TMEM132D: variants seen among roughly 807,000 people sequenced by gnomAD.
TMEM132D encodes the protein mature OL transmembrane protein.
Under a neutral mutation model 62.3 loss-of-function variants are expected in TMEM132D, and 21 were observed. The ratio of observed to expected loss-of-function variants is 0.34; its 90% CI spans 0.24 to 0.49. TMEM132D has a LOEUF of 0.49. TMEM132D is among the 20% of genes least tolerant of loss of function. The pLI, the probability that TMEM132D is intolerant of heterozygous loss-of-function variation, is 0.99. For synonymous variants in TMEM132D, 621 were observed against 575.6 expected, an observed-to-expected ratio of 1.08 and a Z score of -1.13; for missense variants, 1,346 against 1,402.8, an observed-to-expected ratio of 0.96 and a Z score of 0.65.
intron 2 of TMEM132D, among the ~76,000 whole-genome samples, chr12:129,619,543 T>C (rs1879008083): frequency 6.6e-6 from 1 of 152,254 alleles, no homozygotes; most frequent in Non-Finnish European, 1.5e-5. Context: ...TCTCGGGTTA[T>C]CCACTGGCTC....
chr12:129,832,013 G>A (rs886984553), intron 1 of TMEM132D, among the ~76,000 whole-genome samples: 2 of 142,530 alleles, frequency 1.4e-5, no homozygotes, highest in African/African-American at 5.2e-5. Flanking sequence ...GGGACGACAG[G>A]CACCTGCCAC....
intron 1 of TMEM132D, among the ~76,000 whole-genome samples, chr12:129,728,876 A>G (rs950502868): frequency 1.3e-5 from 2 of 152,044 alleles, no homozygotes; most frequent in African/African-American, 4.8e-5. Context: ...CCTTTTTCAC[A>G]ATGTCCTCAT....
chr12:129,302,641 T>A (rs1881749052), intron 4 of TMEM132D, among the ~76,000 whole-genome samples: 1 of 152,242 alleles, frequency 6.6e-6, no homozygotes, highest in Non-Finnish European at 1.5e-5. Flanking sequence ...TGCTTCCTTT[T>A]TCTCCAGGAC....
chr12:129,092,759 T>A (rs2135629248), intron 5 of TMEM132D, among the ~76,000 whole-genome samples: 1 of 152,334 alleles, frequency 6.6e-6, no homozygotes, highest in Non-Finnish European at 1.5e-5. Flanking sequence ...TATTCATTGT[T>A]TGCTACATGC....
chr12:129,119,142 C>A (rs1264751632), intron 5 of TMEM132D, among the ~76,000 whole-genome samples: 1 of 152,156 alleles, frequency 6.6e-6, no homozygotes, highest in African/African-American at 2.4e-5. Flanking sequence ...ACAGAAAGAA[C>A]TTCAGCTTAT....
intron 5 of TMEM132D, among the ~76,000 whole-genome samples, chr12:129,165,004 T>C (rs952160631): frequency 6.6e-6 from 1 of 152,196 alleles, no homozygotes; most frequent in African/African-American, 2.4e-5. Context: ...AAATAGATAA[T>C]GGTATATTCA....
chr12:129,630,551 G>C (rs1879324644), intron 2 of TMEM132D, among the ~76,000 whole-genome samples: 1 of 152,112 alleles, frequency 6.6e-6, no homozygotes, highest in Non-Finnish European at 1.5e-5. Context: ...CTGAGAGCTA[G>C]CAAATAGAGA....
At chr12:129,561,267 A>G (rs550332977) in intron 2 of TMEM132D, among the ~76,000 whole-genome samples, 1 of 152,230 alleles carries the variant, frequency 6.6e-6, no homozygotes, top group East Asian at 1.9e-4. Flanking sequence ...TGAACCACTC[A>G]TCCAACCAAT....
chr12:129,374,108 G>C (rs1307823304), intron 3 of TMEM132D, among the ~76,000 whole-genome samples: 3 of 152,178 alleles, frequency 2.0e-5, no homozygotes, highest in Admixed American at 1.3e-4. Flanking sequence ...AGTTAGAGTA[G>C]CTAATGAAAT....
chr12:129,385,456 A>T (rs1428782795), intron 3 of TMEM132D, among the ~76,000 whole-genome samples: 2 of 152,122 alleles, frequency 1.3e-5, no homozygotes, highest in Non-Finnish European at 2.9e-5. Flanking sequence ...GGACACTTAG[A>T]GGAAAAGACT....
At chr12:129,835,261 G>C (rs1050363984) in intron 1 of TMEM132D, among the ~76,000 whole-genome samples, 1 of 152,062 alleles carries the variant, frequency 6.6e-6, no homozygotes, top group African/African-American at 2.4e-5. Context: ...TCAATTTTCT[G>C]TCCATGAGGT....
intron 4 of TMEM132D, among the ~76,000 whole-genome samples, chr12:129,298,734 T>C (rs1269485581): frequency 6.6e-6 from 1 of 152,224 alleles, no homozygotes; most frequent in Admixed American, 6.5e-5. Flanking sequence ...CCTGCGGTAT[T>C]TGTCTTTCTG....
At position 129,322,962 on chromosome 12, in the gene TMEM132D, T is replaced by C. The variant is rs571707374; in HGVS notation, c.1299+14672A>G. Among the ~76,000 whole-genome samples, 5 of 152,344 alleles carry C rather than the reference T, an allele frequency of 3.3e-5. No homozygotes were observed. The South Asian group carries it at 8.3e-4, about 25-fold the overall frequency. On this transcript the variant is annotated intron_variant, in intron 4 of 8. Coordinates refer to ENST00000422113, the MANE Select transcript of TMEM132D (RefSeq NM_133448.3). ...ATACTTGCATATAACTGCAAATTCA[T>C]GAGGACGAATAGGCTCCATTTCCAT...
intron 3 of TMEM132D, among the ~76,000 whole-genome samples, chr12:129,357,866 T>C (rs73422291): frequency 0.018 from 2,753 of 152,310 alleles, 71 homozygotes; most frequent in African/African-American, 0.049. Context: ...TCTGCTGTCA[T>C]CCTCTCCCAT....
chr12:129,149,821 TAGAC>T (rs989465193), intron 5 of TMEM132D, among the ~76,000 whole-genome samples: 2 of 152,132 alleles, frequency 1.3e-5, no homozygotes, highest in African/African-American at 4.8e-5. Flanking sequence ...TGGGGGCAGA[TAGAC>T]AGCGGAAATA....
chr12:129,803,084 A>G (rs1363445093), intron 1 of TMEM132D, among the ~76,000 whole-genome samples: 2 of 151,322 alleles, frequency 1.3e-5, no homozygotes, highest in Non-Finnish European at 2.9e-5. Flanking sequence ...CCACACATTA[A>G]TAATGGGAGA....
intron 4 of TMEM132D, among the ~76,000 whole-genome samples, chr12:129,239,374 G>A (rs1044848438): frequency 7.9e-5 from 12 of 152,220 alleles, no homozygotes; most frequent in Admixed American, 5.2e-4. Context: ...TCTAGGTTGC[G>A]TTAAATTTGT....
chr12:129,382,576 T>C (rs1273689380), intron 3 of TMEM132D, among the ~76,000 whole-genome samples: 2 of 152,122 alleles, frequency 1.3e-5, no homozygotes, highest in Non-Finnish European at 2.9e-5. Flanking sequence ...AAATCTCAAG[T>C]GTAAAAGAAA....
chr12:129,568,508 T>C (rs1877426925), intron 2 of TMEM132D, among the ~76,000 whole-genome samples: 1 of 152,240 alleles, frequency 6.6e-6, no homozygotes, highest in Non-Finnish European at 1.5e-5. Flanking sequence ...ATCAACAGCA[T>C]TATATGTGAA....
Sources: allele counts gnomAD v4.1 joint callset (sites outside exome capture counted in the v4.1 genomes callset), GRCh38; gene constraint gnomAD v4.1.1; transcripts MANE v1.5; gene names NCBI Gene and HGNC (gene_info 2026-07-23, HGNC 2026-07-21).